PTPRM: variants seen among roughly 807,000 people sequenced by gnomAD.
The protein encoded by PTPRM is protein tyrosine phosphatase receptor type M, also known as receptor-type tyrosine-protein phosphatase mu.
PTPRM carries 47 observed loss-of-function variants against 186.7 expected under a neutral mutation model. The ratio of observed to expected loss-of-function variants is 0.25; its 90% CI spans 0.20 to 0.32. PTPRM has a LOEUF of 0.32. Ranked by LOEUF, PTPRM falls within the 10% of genes least tolerant of loss-of-function variation. The pLI is 1.00. For missense variants in PTPRM, 1,494 were observed against 1,865.0 expected, an observed-to-expected ratio of 0.80 and a Z score of 3.66; for synonymous variants, 668 against 674.9, an observed-to-expected ratio of 0.99 and a Z score of 0.16.
At chr18:7,592,734 G>A (rs2037159076) in intron 1 of PTPRM, among the ~76,000 whole-genome samples, 1 of 151,678 alleles carries the variant, frequency 6.6e-6, no homozygotes, top group African/African-American at 2.4e-5. Context: ...AAGGGGTGAT[G>A]TTGATAGAGA....
chr18:8,201,013 A>G (rs2093847919), intron 14 of PTPRM, among the ~76,000 whole-genome samples: 2 of 152,142 alleles, frequency 1.3e-5, no homozygotes, highest in Non-Finnish European at 1.5e-5. Flanking sequence ...TGACATGGAG[A>G]TTAGAAAAAT....
chr18:8,067,248 G>T (rs2089152622), intron 7 of PTPRM, among the ~76,000 whole-genome samples: 4 of 152,276 alleles, frequency 2.6e-5, no homozygotes. Context: ...ATCTGTGTAT[G>T]TATAGAGATC....
intron 7 of PTPRM, among the ~76,000 whole-genome samples, chr18:8,023,830 A>C (rs564948338): frequency 2.3e-5 from 3 of 130,696 alleles, no homozygotes; most frequent in Non-Finnish European, 4.9e-5. Flanking sequence ...AATTATCAGA[A>C]GACACACACA....
chr18:8,245,240 G>A (rs933115372), intron 15 of PTPRM, among the ~76,000 whole-genome samples: 3 of 152,004 alleles, frequency 2.0e-5, no homozygotes, highest in Admixed American at 1.3e-4. Flanking sequence ...TGCGTTTCTC[G>A]TACACGCGGC....
intron 13 of PTPRM, among the ~76,000 whole-genome samples, chr18:8,132,852 C>G (rs1182998226): frequency 6.6e-6 from 1 of 152,100 alleles, no homozygotes; most frequent in African/African-American, 2.4e-5. Flanking sequence ...TCCTGTTAGT[C>G]TCTTTTTATC....
At chr18:8,200,590 C>T (rs142640524) in intron 14 of PTPRM, among the ~76,000 whole-genome samples, 241 of 152,334 alleles carry the variant, frequency 1.6e-3, no homozygotes, top group African/African-American at 5.4e-3. Context: ...TGGCCTGTGC[C>T]GTGACCCACG....
intron 19 of PTPRM, among the ~76,000 whole-genome samples, chr18:8,279,567 G>A (rs555314769): frequency 6.6e-6 from 1 of 152,268 alleles, no homozygotes; most frequent in South Asian, 2.1e-4. Context: ...CTGCCTCTAG[G>A]AGCAGGCCTG....
At chr18:8,325,308 C>T (rs607517) in intron 22 of PTPRM, among the ~76,000 whole-genome samples, 137,338 of 152,130 alleles carry the variant, frequency 0.9, 63,005 homozygotes, top group Non-Finnish European at 0.99. Context: ...AATCCTCTCC[C>T]TCCTCCCACC....
At chr18:7,842,283 G>A (rs1007693778) in intron 2 of PTPRM, among the ~76,000 whole-genome samples, 2 of 152,286 alleles carry the variant, frequency 1.3e-5, no homozygotes, top group African/African-American at 2.4e-5. Context: ...GGGCAAAATG[G>A]TTGTCACCCC....
intron 1 of PTPRM, among the ~76,000 whole-genome samples, chr18:7,734,969 T>A (rs1318517284): frequency 6.6e-6 from 1 of 152,176 alleles, no homozygotes; most frequent in Non-Finnish European, 1.5e-5. Context: ...TTCTAAGCCC[T>A]GCAACCAACT....
intron 13 of PTPRM, among the ~76,000 whole-genome samples, chr18:8,136,548 T>G (rs1347793053): frequency 6.6e-6 from 1 of 152,152 alleles, no homozygotes; most frequent in Non-Finnish European, 1.5e-5. Context: ...AAAATTATGT[T>G]TCTGATTATT....
At chr18:8,188,453 T>C (rs1477369602) in intron 14 of PTPRM, among the ~76,000 whole-genome samples, 1 of 152,244 alleles carries the variant, frequency 6.6e-6, no homozygotes, top group African/African-American at 2.4e-5. Context: ...ACTTCCTGTA[T>C]GTAACAGGTG....
chr18:7,857,439 G>T (rs575883997), intron 2 of PTPRM, among the ~76,000 whole-genome samples: 1 of 152,154 alleles, frequency 6.6e-6, no homozygotes, highest in African/African-American at 2.4e-5. Context: ...CAGGGATTCT[G>T]CATGAAAGAA....
intron 2 of PTPRM, among the ~76,000 whole-genome samples, chr18:7,805,144 C>G (rs901221302): frequency 1.1e-4 from 16 of 152,236 alleles, no homozygotes; most frequent in African/African-American, 3.6e-4. Flanking sequence ...TCAGCCTTCA[C>G]CAACACATCT....
chr18:8,286,290 T>A (rs547811181), intron 19 of PTPRM, among the ~76,000 whole-genome samples: 2 of 152,344 alleles, frequency 1.3e-5, no homozygotes, highest in South Asian at 2.1e-4. Flanking sequence ...TTCAGATGAC[T>A]ACGACATTCA....
intron 1 of PTPRM, among the ~76,000 whole-genome samples, chr18:7,772,393 T>TTCTTTCTTTCTTTCTC (rs2042348807): frequency 6.9e-6 from 1 of 144,762 alleles, no homozygotes. Flanking sequence ...CTTTCTTTCT[T>TTCTTTCTTTCTTTCTC]TCTTTCTTTC....
chr18:8,380,311 T>G lies in PTPRM; in HGVS notation c.3802T>G (p.Ser1268Ala), dbSNP rs542317405. 1.2e-6 allele frequency: 2 copies of G among 1,613,814 alleles called. No individual in the cohort carries two copies. The highest frequency in any genetic ancestry group is 4.5e-5 in the East Asian group (2 of 44,892). ...AALMDSYKQP[S>A]AFIVTQHPLP... ...GTGTTTGCAGAGCTATAAACAGCCT[T>G]CAGCTTTTATAGTCACCCAGCATCC... is the stretch of plus-strand genomic sequence containing the variant. The change falls in exon 29 of 33, where the codon TCA becomes GCA. Residue 1268 changes from serine (S) to alanine (A), a missense_variant. Around this residue, in one of 3 missense-constraint regions of PTPRM, gnomAD observed 1,107 missense variants for 1,350.2 expected, o/e 0.82. Transcript: ENST00000580170.
At chr18:7,932,420 G>A (rs530667701) in intron 5 of PTPRM, among the ~76,000 whole-genome samples, 1 of 152,168 alleles carries the variant, frequency 6.6e-6, no homozygotes, top group South Asian at 2.1e-4. Context: ...AGAAAATGTA[G>A]GAAACTTTAG....
chr18:8,318,123 T>G lies in PTPRM; in HGVS notation c.2920-1055T>G, dbSNP rs963970934. On this transcript the variant is annotated intron_variant, in intron 21 of 32. Transcript: ENST00000580170. ...TCTGAGTTTTCTCTTCAAGTTTCTT[T>G]TTTCTGTTTTCCAACCAGTTTTGGG... Among the ~76,000 whole-genome samples, 109 of 152,212 alleles carry G rather than the reference T, an allele frequency of 7.2e-4. 1 individual carries two copies. The highest frequency in any genetic ancestry group is 2.2e-3 in the African/African-American group (93 of 41,532).
Sources: gnomAD v4.1 joint callset for allele counts (sites outside exome capture counted in the v4.1 genomes callset) on GRCh38, gnomAD v4.1.1 for gene constraint, gnomAD v4.1.1 regional missense constraint, MANE v1.5 for transcripts, NCBI Gene and HGNC (gene_info 2026-07-23, HGNC 2026-07-21) for gene names.